Variants in WDR89 observed in about 807,000 individuals in gnomAD.
The protein encoded by WDR89 is WD repeat-containing protein 89.
In WDR89, 17 loss-of-function variants were observed where a neutral mutation model predicts 29.1. The observed-to-expected ratio is 0.58, with a 90% CI of 0.40 to 0.88. The LOEUF is 0.88. Among genes scored for constraint, WDR89 ranks in the 40% least tolerant of loss-of-function variants. The pLI is 0.00. For missense variants in WDR89, 396 were observed against 456.3 expected, an observed-to-expected ratio of 0.87 and a Z score of 1.20; for synonymous variants, 138 against 157.8, an observed-to-expected ratio of 0.87 and a Z score of 0.94.
At chr14:63,606,454 T>G (rs1338370386) in intron 2 of WDR89, among the ~76,000 whole-genome samples, 1 of 152,242 alleles carries the variant, frequency 6.6e-6, no homozygotes, top group Non-Finnish European at 1.5e-5. Flanking sequence ...GTATACCATT[T>G]GTTATCATTT....
chr14:63,608,989 C>T (rs919621317), intron 2 of WDR89, among the ~76,000 whole-genome samples: 2 of 151,940 alleles, frequency 1.3e-5, no homozygotes, highest in Non-Finnish European at 2.9e-5. Context: ...GTCCCAGCTA[C>T]TCAGGAGGCT....
At chr14:63,636,647 C>G (rs1317463897) in intron 1 of WDR89, among the ~76,000 whole-genome samples, 1 of 152,084 alleles carries the variant, frequency 6.6e-6, no homozygotes, top group Non-Finnish European at 1.5e-5. Context: ...ACAAAGCAAA[C>G]AAAAACATAA....
intron 2 of WDR89, among the ~76,000 whole-genome samples, chr14:63,605,602 G>A (rs181190768): frequency 1.3e-5 from 2 of 152,144 alleles, no homozygotes; most frequent in African/African-American, 4.8e-5. Context: ...TGGGATTACA[G>A]GCATATGCCA....
chr14:63,623,803 A>AT (rs1055457260), intron 2 of WDR89, among the ~76,000 whole-genome samples: 1 of 151,600 alleles, frequency 6.6e-6, no homozygotes, highest in African/African-American at 2.4e-5. Context: ...GATTGTCAGG[A>AT]TGGGGGTGGT....
At chr14:63,604,914 C>CAGCCAGGCAGATCACTTTAGCCTAG (rs1302088803) in intron 2 of WDR89, among the ~76,000 whole-genome samples, 2 of 152,044 alleles carry the variant, frequency 1.3e-5, no homozygotes, top group African/African-American at 4.8e-5. Flanking sequence ...CCAAGCCGGG[C>CAGCCAGGCAGATCACTTTAGCCTAG]AGCCAGGCAG....
At chr14:63,636,620 C>A (rs1200359045) in intron 1 of WDR89, among the ~76,000 whole-genome samples, 1 of 152,162 alleles carries the variant, frequency 6.6e-6, no homozygotes, top group Non-Finnish European at 1.5e-5. Flanking sequence ...CAAATACTTA[C>A]AGCCAACTGA....
chr14:63,618,704 C>A (rs1364236880), intron 2 of WDR89, among the ~76,000 whole-genome samples: 3 of 151,456 alleles, frequency 2.0e-5, no homozygotes, highest in African/African-American at 2.4e-5. Flanking sequence ...AACAAACAAA[C>A]AAAAAAAACC....
intron 2 of WDR89, among the ~76,000 whole-genome samples, chr14:63,618,417 A>G (rs1317977816): frequency 6.6e-6 from 1 of 152,190 alleles, no homozygotes; most frequent in Non-Finnish European, 1.5e-5. Context: ...AGCCTCCCAA[A>G]GTGCTGGGAT....
rs577944069 is a variant in WDR89 at position 63,624,508 on chromosome 14, AT to A, written c.-32+419del. On this transcript the variant is annotated intron_variant, in intron 2 of 2. Coordinates refer to ENST00000620954, the MANE Select transcript of WDR89 (RefSeq NM_080666.4). ...AACAAAACAAAAAACAAAAAGAAATATTTAAAAAAAAAAAAAGAAAATGCCA... is the reference window on the plus strand; with the variant it reads ...AACAAAACAAAAAACAAAAAGAAATATTAAAAAAAAAAAAAGAAAATGCCA... Among the ~76,000 whole-genome samples, 1,228 of 138,132 alleles carry A rather than the reference AT, an allele frequency of 8.9e-3. 12 individuals carry two copies. Among genetic ancestry groups the A allele is most frequent in the African/African-American group, 0.039 (1,144 of 29,638 alleles). 90.6% of individuals were successfully genotyped at this position (138,132 alleles called of 152,430 possible).
At chr14:63,637,608 G>C (rs917464993) in intron 1 of WDR89, among the ~76,000 whole-genome samples, 2 of 151,962 alleles carry the variant, frequency 1.3e-5, no homozygotes, top group Non-Finnish European at 2.9e-5. Context: ...ATATATAATG[G>C]AATACTACAC....
At chr14:63,633,169 A>C (rs2139572103) in intron 1 of WDR89, among the ~76,000 whole-genome samples, 1 of 152,300 alleles carries the variant, frequency 6.6e-6, no homozygotes, top group African/African-American at 2.4e-5. Flanking sequence ...ATGTAATGTC[A>C]AATGATAACC....
At chr14:63,635,500 T>C (rs1883675878) in intron 1 of WDR89, among the ~76,000 whole-genome samples, 1 of 152,206 alleles carries the variant, frequency 6.6e-6, no homozygotes, top group South Asian at 2.1e-4. Context: ...AAACCATCTA[T>C]GACAAACCAC....
chr14:63,612,937 T>C (rs1882080539), intron 2 of WDR89, among the ~76,000 whole-genome samples: 2 of 152,100 alleles, frequency 1.3e-5, no homozygotes, highest in South Asian at 4.1e-4. Flanking sequence ...GTATAGGACA[T>C]TCAATGGGAT....
intron 2 of WDR89, among the ~76,000 whole-genome samples, chr14:63,611,729 T>C (rs1018495010): frequency 1.3e-5 from 2 of 151,996 alleles, no homozygotes; most frequent in African/African-American, 4.8e-5. Context: ...TAAATTTTTA[T>C]TTATTTTTAT....
chr14:63,636,229 T>C (rs938576907), intron 1 of WDR89, among the ~76,000 whole-genome samples: 2 of 152,102 alleles, frequency 1.3e-5, no homozygotes, highest in Non-Finnish European at 2.9e-5. Context: ...AAAAGACCTC[T>C]ACAAGGAAAA....
chr14:63,605,928 T>C (rs1376008281), intron 2 of WDR89, among the ~76,000 whole-genome samples: 2 of 152,134 alleles, frequency 1.3e-5, no homozygotes, highest in Non-Finnish European at 2.9e-5. Flanking sequence ...TCCAGTGGGA[T>C]AAGACATGGA....
chr14:63,631,876 C>T (rs1883426938), intron 1 of WDR89, among the ~76,000 whole-genome samples: 1 of 152,160 alleles, frequency 6.6e-6, no homozygotes, highest in Non-Finnish European at 1.5e-5. Context: ...CTTTGGGAGG[C>T]CTAGGCAGGC....
intron 2 of WDR89, chr14:63,601,724 C>G (rs1335997266): frequency 6.5e-7 from 1 of 1,545,466 alleles, no homozygotes; most frequent in Non-Finnish European, 8.9e-7. Context: ...AAGTTCTTCT[C>G]CCATAACATG....
At chr14:63,631,858 T>C (rs1883424994) in intron 1 of WDR89, among the ~76,000 whole-genome samples, 1 of 152,088 alleles carries the variant, frequency 6.6e-6, no homozygotes, top group African/African-American at 2.4e-5. Flanking sequence ...ACGCCTGTAA[T>C]CCCAGCACTT....
Sources: gnomAD v4.1 joint callset for allele counts (sites outside exome capture counted in the v4.1 genomes callset) on GRCh38, gnomAD v4.1.1 for gene constraint, MANE v1.5 for transcripts, NCBI Gene and HGNC (gene_info 2026-07-23, HGNC 2026-07-21) for gene names.